MOCOS: variants seen among roughly 807,000 people sequenced by gnomAD.
The protein encoded by MOCOS is human molybdenum cofactor sulfurase.
Under a neutral mutation model 83.6 loss-of-function variants are expected in MOCOS, and 86 were observed. That is an observed-to-expected ratio of 1.03 (90% CI 0.86 to 1.23). The LOEUF (loss-of-function observed/expected upper bound fraction) is 1.23. Among genes scored for constraint, MOCOS ranks in the 50% most tolerant of loss-of-function variants. The pLI is 0.00. For synonymous variants in MOCOS, 445 were observed against 434.7 expected (o/e 1.02, Z -0.29); for missense variants, 1,120 against 1,126.9 (o/e 0.99, Z 0.09).
chr18:36,223,450 T>C (rs2091504319), intron 9 of MOCOS, among the ~76,000 whole-genome samples: 1 of 152,232 alleles, frequency 6.6e-6, no homozygotes, highest in Admixed American at 6.5e-5. Flanking sequence ...TTAGTCTGTG[T>C]ATCTGTCTTT....
In MOCOS at chr18:36,256,157, G is replaced by A. The variant is rs144536865; in HGVS notation, c.2165-811G>A. ...TCCTCCTGCCTCGGCCTCCCAAAGT[G>A]CTGGGATTACAGGAGTGAGCCACCG... is the stretch of plus-strand genomic sequence containing the variant. On this transcript the variant is annotated intron_variant, in intron 11 of 14. Coordinates refer to ENST00000261326, the MANE Select transcript of MOCOS (RefSeq NM_017947.4). Among the ~76,000 whole-genome samples the A allele has an allele frequency of 4.7e-3, 711 of 152,208 alleles. 1 individual carries two copies. The highest frequency in any genetic ancestry group is 9.7e-3 in the South Asian group (47 of 4,830).
At chr18:36,247,707 C>T (rs1196015546) in intron 9 of MOCOS, among the ~76,000 whole-genome samples, 2 of 148,684 alleles carry the variant, frequency 1.3e-5, no homozygotes, top group African/African-American at 5.0e-5. Flanking sequence ...TGTTCGGAGA[C>T]CAACTTCTCA....
intron 7 of MOCOS, 31 bp downstream of exon 7, chr18:36,213,513 G>T: frequency 1.3e-6 from 2 of 1,576,200 alleles, no homozygotes; most frequent in Non-Finnish European, 1.7e-6. Context: ...TCCAGACGCT[G>T]GTCAGCGAGA....
intron 9 of MOCOS, among the ~76,000 whole-genome samples, chr18:36,244,413 C>A (rs1448135816): frequency 1.3e-5 from 2 of 152,080 alleles, no homozygotes; most frequent in African/African-American, 4.8e-5. Context: ...TATTTAATTT[C>A]CATGTCTTTG....
chr18:36,238,373 G>A (rs1413238684), intron 9 of MOCOS, among the ~76,000 whole-genome samples: 1 of 150,944 alleles, frequency 6.6e-6, no homozygotes, highest in Non-Finnish European at 1.5e-5. Flanking sequence ...CTTTATTTCT[G>A]CCTTCATTTC....
intron 9 of MOCOS, among the ~76,000 whole-genome samples, chr18:36,239,540 C>T (rs549991406): frequency 0.022 from 3,233 of 150,306 alleles, 56 homozygotes; most frequent in Non-Finnish European, 0.032. Context: ...GAGGGTAACC[C>T]GACCTTTCTC....
chr18:36,188,422 C>G (rs1014679175), intron 1 of MOCOS, among the ~76,000 whole-genome samples: 1 of 152,226 alleles, frequency 6.6e-6, no homozygotes, highest in Non-Finnish European at 1.5e-5. Flanking sequence ...AAATCAAGCT[C>G]CATCTGGCCT....
chr18:36,215,125 A>G (rs1002158915), intron 7 of MOCOS, among the ~76,000 whole-genome samples: 1 of 152,206 alleles, frequency 6.6e-6, no homozygotes, highest in Non-Finnish European at 1.5e-5. Flanking sequence ...GAGAGTGACC[A>G]GTGATGTTTC....
At chr18:36,193,672 T>C (rs936181974) in intron 1 of MOCOS, among the ~76,000 whole-genome samples, 5 of 152,208 alleles carry the variant, frequency 3.3e-5, no homozygotes, top group Non-Finnish European at 5.9e-5. Flanking sequence ...TAGGACCTTG[T>C]TGAATTAGAC....
chr18:36,211,236 G>T (rs1449044426), intron 6 of MOCOS, among the ~76,000 whole-genome samples: 1 of 152,166 alleles, frequency 6.6e-6, no homozygotes, highest in Non-Finnish European at 1.5e-5. Context: ...AAAGAATTTA[G>T]CTTCCTATGA....
chr18:36,246,254 T>A (rs1568065025), intron 9 of MOCOS, among the ~76,000 whole-genome samples: 1 of 152,240 alleles, frequency 6.6e-6, no homozygotes, highest in Non-Finnish European at 1.5e-5. Flanking sequence ...TTGGGGAGAC[T>A]GTTTCTGTGG....
chr18:36,200,228 C>G lies in MOCOS; in HGVS notation c.845C>G (p.Ala282Gly). 2 of 1,614,150 alleles carry G rather than the reference C, an allele frequency of 1.2e-6. No homozygotes were observed. The highest frequency in any genetic ancestry group is 2.2e-5 in the South Asian group (2 of 91,088). ...GCTCTGCTGGTCCATAATCGTGCGG[C>G]TCCTCTACTGAGGAAGACCTACTTT... ...LGALLVHNRA[A>G]PLLRKTYFGG... The change falls in exon 4 of 15, where the codon GCT becomes GGT. Residue 282 changes from alanine to glycine, a missense_variant. Coordinates refer to ENST00000261326, the MANE Select transcript of MOCOS (RefSeq NM_017947.4).
chr18:36,193,696 G>A (rs548163056), intron 1 of MOCOS, among the ~76,000 whole-genome samples: 15 of 152,268 alleles, frequency 9.9e-5, no homozygotes, highest in African/African-American at 3.4e-4. Flanking sequence ...AATTTCTTAT[G>A]ACACCAAAAA....
chr18:36,199,542 C>A, intron 3 of MOCOS, 141 bp from the exon 4 acceptor site: 1 of 1,322,948 alleles, frequency 7.6e-7, no homozygotes, highest in Non-Finnish European at 1.1e-6. Context: ...TTCCATTGCC[C>A]TCGCCCTAAT....
intron 9 of MOCOS, among the ~76,000 whole-genome samples, chr18:36,235,754 A>C (rs567344368): frequency 6.7e-6 from 1 of 150,228 alleles, no homozygotes; most frequent in South Asian, 2.1e-4. Flanking sequence ...ACAACAGTGT[A>C]AAAGTGTTCC....
chr18:36,257,485 A>G (rs2091646938), intron 12 of MOCOS, among the ~76,000 whole-genome samples: 2 of 152,122 alleles, frequency 1.3e-5, no homozygotes, highest in African/African-American at 4.8e-5. Context: ...AAGAGTGGTT[A>G]TGAAAGCTTT....
intron 9 of MOCOS, among the ~76,000 whole-genome samples, chr18:36,227,698 T>C (rs531095406): frequency 1.1e-4 from 17 of 152,176 alleles, no homozygotes; most frequent in Admixed American, 1.1e-3. Context: ...GCCTGGCCCA[T>C]GCCCAACTAA....
At chr18:36,220,342 C>CAAAAAA in intron 9 of MOCOS, 125 bp downstream of exon 9, 1 of 843,826 alleles carries the variant, frequency 1.2e-6, no homozygotes, top group Non-Finnish European at 1.7e-6. Context: ...CTCATCTCTA[C>CAAAAAA]AAAAAAAAAA....
In MOCOS at chr18:36,187,506, G is replaced by C. The variant is rs758769102; in HGVS notation, c.-34G>C. ...CGGGGGCCGGCTTCGCGCACTTCCCGGGCCCGGCCGGCCTGGATGGACTAG... is the reference window on the plus strand; with the variant it reads ...CGGGGGCCGGCTTCGCGCACTTCCCCGGCCCGGCCGGCCTGGATGGACTAG... On this transcript the variant is annotated 5_prime_UTR_variant, in exon 1 of 15. Transcript: ENST00000261326. 48 of 1,228,028 alleles carry C rather than the reference G, an allele frequency of 3.9e-5. No individual in the cohort carries two copies. Among genetic ancestry groups the C allele is most frequent in the Non-Finnish European group, 4.3e-5 (42 of 985,074 alleles). 76.1% of individuals were successfully genotyped at this position (1,228,028 alleles called of 1,614,324 possible).
Sources: gnomAD v4.1 joint callset for allele counts (sites outside exome capture counted in the v4.1 genomes callset) on GRCh38, gnomAD v4.1.1 for gene constraint, MANE v1.5 for transcripts, NCBI Gene and HGNC (gene_info 2026-07-23, HGNC 2026-07-21) for gene names.